Variants in CDH4 observed in about 807,000 individuals in gnomAD.
The protein encoded by CDH4 is cadherin-4.
Under a neutral mutation model 86.0 loss-of-function variants are expected in CDH4, and 33 were observed. The observed-to-expected ratio is 0.38, with a 90% CI of 0.29 to 0.51. The LOEUF is 0.51. Ranked by LOEUF, CDH4 falls within the 20% of genes least tolerant of loss-of-function variation. The probability of loss-of-function intolerance (pLI) is 0.86; values close to 1 mark genes in which losing one functional copy is unlikely to be tolerated. For synonymous variants in CDH4, 555 were observed against 549.4 expected, an observed-to-expected ratio of 1.01 and a Z score of -0.14; for missense variants, 1,114 against 1,307.4, an observed-to-expected ratio of 0.85 and a Z score of 2.28.
intron 3 of CDH4, among the ~76,000 whole-genome samples, chr20:61,749,978 TC>T (rs1285044494): frequency 6.6e-6 from 1 of 151,894 alleles, no homozygotes; most frequent in Non-Finnish European, 1.5e-5. Flanking sequence ...GGAGAATTGC[TC>T]GAACCCAGGG....
At chr20:61,781,810 G>A (rs1049563762) in intron 4 of CDH4, among the ~76,000 whole-genome samples, 4 of 152,200 alleles carry the variant, frequency 2.6e-5, no homozygotes, top group African/African-American at 9.7e-5. Context: ...GCCGTTCACC[G>A]ATCATAGTCA....
intron 2 of CDH4, among the ~76,000 whole-genome samples, chr20:61,443,524 A>G (rs943470920): frequency 6.6e-6 from 1 of 152,188 alleles, no homozygotes; most frequent in Non-Finnish European, 1.5e-5. Context: ...TTGTCTTGGC[A>G]TACCTTTCTT....
intron 2 of CDH4, among the ~76,000 whole-genome samples, chr20:61,685,644 GC>G (rs1236156681): frequency 2.0e-5 from 3 of 152,212 alleles, no homozygotes; most frequent in African/African-American, 7.2e-5. Context: ...TGTGTCTCGG[GC>G]TTTGACTACG....
chr20:61,646,526 C>T (rs4344986), intron 2 of CDH4, among the ~76,000 whole-genome samples: 5 of 152,038 alleles, frequency 3.3e-5, no homozygotes, highest in African/African-American at 7.2e-5. Flanking sequence ...CCGTTCACCC[C>T]CTCTGGGCCT....
At chr20:61,395,940 T>G (rs868369485) in intron 2 of CDH4, among the ~76,000 whole-genome samples, 2 of 152,202 alleles carry the variant, frequency 1.3e-5, no homozygotes, top group South Asian at 4.1e-4. Flanking sequence ...TTGGAGATGT[T>G]TGGGATGATT....
Position 61,480,024 on chromosome 20 carries a change from G to C in CDH4, c.169+225087G>C, listed in dbSNP as rs1336639834. 6.6e-6 allele frequency among the ~76,000 whole-genome samples: 1 copy of C among 152,084 alleles called. No individual in the cohort carries two copies. Among genetic ancestry groups the C allele is most frequent in the Non-Finnish European group, 1.5e-5 (1 of 68,020 alleles). ...TCAGACCTTATAGTTTTCATCTATA[G>C]AAGTCTGATTCGGGACATCTTTTGT... is the stretch of plus-strand genomic sequence containing the variant. On this transcript the variant is annotated intron_variant, in intron 2 of 15. Transcript: ENST00000614565. This position sits in a 1 kb window ranked among gnomAD's most constrained non-coding sequence, Gnocchi z 5.2.
At chr20:61,679,426 G>A (rs1399521686) in intron 2 of CDH4, among the ~76,000 whole-genome samples, 1 of 152,178 alleles carries the variant, frequency 6.6e-6, no homozygotes, top group Non-Finnish European at 1.5e-5. Context: ...AAGTTCCTGG[G>A]GATCTCGCTG....
chr20:61,888,310 C>T (rs1431987163), intron 7 of CDH4, among the ~76,000 whole-genome samples: 1 of 152,218 alleles, frequency 6.6e-6, no homozygotes, highest in Non-Finnish European at 1.5e-5. Flanking sequence ...GCTGCTGGCA[C>T]CGTCCCCAGC....
chr20:61,589,067 C>T (rs2086499233), intron 2 of CDH4, among the ~76,000 whole-genome samples: 1 of 152,232 alleles, frequency 6.6e-6, no homozygotes, highest in African/African-American at 2.4e-5. Context: ...AGCGTGATTT[C>T]AGGCCACCTC....
At chr20:61,715,135 T>C (rs977658978) in intron 2 of CDH4, among the ~76,000 whole-genome samples, 2 of 152,236 alleles carry the variant, frequency 1.3e-5, no homozygotes, top group Non-Finnish European at 2.9e-5. Flanking sequence ...TCTGTGGTTT[T>C]CCTTTGCATT....
chr20:61,470,560 C>A (rs530823736), intron 2 of CDH4, among the ~76,000 whole-genome samples: 4 of 152,212 alleles, frequency 2.6e-5, no homozygotes, highest in African/African-American at 9.6e-5. Flanking sequence ...GCTAAGACTT[C>A]TAGTACTCTG....
intron 8 of CDH4, among the ~76,000 whole-genome samples, chr20:61,908,330 A>C (rs1253704974): frequency 6.6e-6 from 1 of 152,150 alleles, no homozygotes; most frequent in Non-Finnish European, 1.5e-5. Context: ...TCATTCCTTC[A>C]TTCATTGATT....
chr20:61,576,793 T>A (rs2086385527), intron 2 of CDH4, among the ~76,000 whole-genome samples: 1 of 152,160 alleles, frequency 6.6e-6, no homozygotes, highest in Non-Finnish European at 1.5e-5. Flanking sequence ...CCTGTATGAG[T>A]GCGTGGATTT....
rs568329885 is a variant in CDH4, at chr20:61,776,809, A to G, written c.576+3627A>G. ...CGAGGCTTACAAGTGGCATACGTCAATCGTGCCTACATGCCACTGGCCAAA... is the reference window on the plus strand; with the variant it reads ...CGAGGCTTACAAGTGGCATACGTCAGTCGTGCCTACATGCCACTGGCCAAA... On this transcript the variant is annotated intron_variant, in intron 4 of 15. Coordinates refer to ENST00000614565, the MANE Select transcript of CDH4 (RefSeq NM_001794.5). Among the ~76,000 whole-genome samples, 4 of 152,346 alleles carry G rather than the reference A, an allele frequency of 2.6e-5. No homozygotes were observed. The East Asian group carries it at 7.7e-4, about 29-fold the overall frequency.
chr20:61,743,429 G>A (rs1488959841), intron 2 of CDH4, 134 bp from the exon 3 acceptor site: 9 of 670,518 alleles, frequency 1.3e-5, no homozygotes, highest in South Asian at 1.2e-4. Context: ...TTCTCGGGAG[G>A]TGGAGAAATC....
chr20:61,565,229 G>A lies in CDH4; in HGVS notation c.170-178334G>A, dbSNP rs992292221. ...CGCGGTGCTCTCGGTGGTAGGTGGTGGTGGTGGTGGTGGCGGTGCTCTTGG... is the reference window on the plus strand; with the variant it reads ...CGCGGTGCTCTCGGTGGTAGGTGGTAGTGGTGGTGGTGGCGGTGCTCTTGG... On this transcript the variant is annotated intron_variant, in intron 2 of 15. Transcript: ENST00000614565. 2.2e-4 allele frequency among the ~76,000 whole-genome samples: 13 copies of A among 58,544 alleles called. 2 individuals carry two copies. Among genetic ancestry groups the A allele is most frequent in the Admixed American group, 8.5e-4 (5 of 5,848 alleles). The allele number at this position is 58,544 out of a possible 152,430, so 38.4% of individuals were successfully genotyped here. A position where few individuals can be genotyped will look rare whatever the true frequency, so the allele number is the denominator to read the frequency against.
intron 2 of CDH4, among the ~76,000 whole-genome samples, chr20:61,656,263 AGGCGCGTGCTGGGGTG>A (rs2087187208): frequency 1.8e-5 from 2 of 110,002 alleles, no homozygotes; most frequent in South Asian, 3.3e-4. Context: ...TGGGGTGGGC[AGGCGCGTGCTGGGGTG>A]GGCAGGCGCG....
At chr20:61,598,813 AG>A (rs1396878836) in intron 2 of CDH4, among the ~76,000 whole-genome samples, 1 of 152,130 alleles carries the variant, frequency 6.6e-6, no homozygotes, top group Non-Finnish European at 1.5e-5. Flanking sequence ...CCTCCATGGA[AG>A]TGTGGTCGGA....
At chr20:61,349,726 G>T (rs183622295) in intron 2 of CDH4, among the ~76,000 whole-genome samples, 1 of 152,310 alleles carries the variant, frequency 6.6e-6, no homozygotes, top group African/African-American at 2.4e-5. Flanking sequence ...GTCCCTCGTG[G>T]AGACGGCTCT....
Sources: gnomAD v4.1 joint callset for allele counts (sites outside exome capture counted in the v4.1 genomes callset) on GRCh38, gnomAD v4.1.1 for gene constraint, Gnocchi (gnomAD v3.1) non-coding constraint, MANE v1.5 for transcripts, NCBI Gene and HGNC (gene_info 2026-07-23, HGNC 2026-07-21) for gene names.